The following KIAA0586 variants were observed in gnomAD, a reference collection of about 807,000 sequenced individuals.
KIAA0586 encodes the protein protein TALPID3.
Under a neutral mutation model 169.8 loss-of-function variants are expected in KIAA0586, and 144 were observed. The observed-to-expected ratio is 0.85, with a 90% confidence interval of 0.74 to 0.97. The LOEUF (loss-of-function observed/expected upper bound fraction) is 0.97, where lower values mean the gene tolerates loss of function less well. Among genes scored for constraint, KIAA0586 ranks in the 50% least tolerant of loss-of-function variants. KIAA0586 has a pLI of 0.00. For synonymous variants in KIAA0586, 625 were observed against 612.4 expected (o/e 1.02, Z -0.30); for missense variants, 1,854 against 1,823.0 (o/e 1.02, Z -0.31).
In KIAA0586 at chr14:58,511,688, G is replaced by A. The variant is rs529087937; in HGVS notation, c.4324-834G>A. On this transcript the variant is annotated intron_variant, in intron 28 of 30. Transcript: ENST00000652326. ...ACTTGGAAGACCAGAGTTAAGGCTA[G>A]TTATTATTACTGCAGCTTAGAGCTA... is the stretch of plus-strand genomic sequence containing the variant. Among the ~76,000 whole-genome samples the A allele has an allele frequency of 8.7e-4, 132 of 152,262 alleles. 1 individual carries two copies. The highest frequency in any genetic ancestry group is 6.8e-3 in the Middle Eastern group (2 of 294).
intron 8 of KIAA0586, among the ~76,000 whole-genome samples, chr14:58,452,097 G>T (rs1421278017): frequency 6.6e-6 from 1 of 152,150 alleles, no homozygotes; most frequent in Non-Finnish European, 1.5e-5. Flanking sequence ...AAAGCCATAA[G>T]AATGACACAA....
intron 4 of KIAA0586, among the ~76,000 whole-genome samples, chr14:58,434,622 T>C (rs1271570631): frequency 6.6e-6 from 1 of 152,236 alleles, no homozygotes; most frequent in Non-Finnish European, 1.5e-5. Context: ...TTAAATAAGT[T>C]ATGAGTAAAT....
chr14:58,444,168 A>C lies in KIAA0586; in HGVS notation c.800A>C (p.Asp267Ala), dbSNP rs776409431. 6.3e-7 allele frequency: 1 copy of C among 1,591,900 alleles called. No homozygotes were observed. Among genetic ancestry groups the C allele is most frequent in the Non-Finnish European group, 8.6e-7 (1 of 1,160,500 alleles). ...HLEKLQQQQI[D>A]IQTHFISAAL... The stretch of plus-strand genomic sequence containing the variant: ...GAAAAGTTACAACAACAACAAATAG[A>C]TATTCAGGTATCTGTAATAAATCCA... The change falls in exon 6 of 31, where the codon GAT becomes GCT. Residue 267 changes from aspartate to alanine, a missense_variant. Asp to Ala is a moderately radical substitution (Grantham distance 126). Transcript: ENST00000652326.
intron 29 of KIAA0586, among the ~76,000 whole-genome samples, chr14:58,524,175 A>G (rs1435805216): frequency 6.6e-6 from 1 of 152,200 alleles, no homozygotes; most frequent in Non-Finnish European, 1.5e-5. Context: ...TAAAAAAGCA[A>G]TTCACCGGTG....
intron 8 of KIAA0586, among the ~76,000 whole-genome samples, chr14:58,451,035 C>T (rs2039330943): frequency 7.7e-6 from 1 of 130,656 alleles, no homozygotes; most frequent in Non-Finnish European, 1.5e-5. Flanking sequence ...GTTGCCCAGG[C>T]TGGAGTGCAG....
Position 58,472,268 on chromosome 14 carries a change from G to C in KIAA0586, c.2623G>C (p.Asp875His), listed in dbSNP as rs770913768. Residue 875 changes from aspartate (D) to histidine (H), a missense_variant, in exon 18 of 31, where the codon GAT becomes CAT. Asp to His is a moderately conservative substitution (Grantham distance 81, BLOSUM62 -1). Transcript: ENST00000652326. ...AGGAACTAACTTTGATGAAATAATCGATGTCATACAGGTAACAAAGCTTAG... is the reference window on the plus strand; with the variant it reads ...AGGAACTAACTTTGATGAAATAATCCATGTCATACAGGTAACAAAGCTTAG... Reference protein sequence around the residue: ...FPGTNFDEIIDVIQEEEKCDE... With the variant: ...FPGTNFDEIIHVIQEEEKCDE... 2 of 1,552,248 alleles carry C rather than the reference G, an allele frequency of 1.3e-6. No individual in the cohort carries two copies. Among genetic ancestry groups the C allele is most frequent in the East Asian group, 2.4e-5 (1 of 42,372 alleles).
At chr14:58,489,223 ATT>A (rs5808974) in intron 24 of KIAA0586, among the ~76,000 whole-genome samples, 1 of 135,650 alleles carries the variant, frequency 7.4e-6, no homozygotes, top group Non-Finnish European at 1.5e-5. Flanking sequence ...TGAAACCTGA[ATT>A]TTTTTTTTTT....
chr14:58,460,908 C>T (rs2040265427), intron 13 of KIAA0586, 78 bp from the exon 14 acceptor site: 2 of 1,051,220 alleles, frequency 1.9e-6, no homozygotes, highest in Non-Finnish European at 2.6e-6. Flanking sequence ...CTTAAGCTAG[C>T]AAAAGGAGGC....
At chr14:58,540,826 A>G (rs2046597281) in intron 30 of KIAA0586, among the ~76,000 whole-genome samples, 1 of 152,220 alleles carries the variant, frequency 6.6e-6, no homozygotes, top group African/African-American at 2.4e-5. Flanking sequence ...AATATTGCAT[A>G]CTATACTTAA....
rs1226693673 is a variant in KIAA0586, at chr14:58,484,915, TATATATA to T, written c.3145-2091_3145-2085del. Among the ~76,000 whole-genome samples, 69 of 30,708 alleles carry T rather than the reference TATATATA, an allele frequency of 2.2e-3. 1 individual carries two copies. Among genetic ancestry groups the T allele is most frequent in the African/African-American group, 7.4e-3 (66 of 8,940 alleles). The allele number at this position is 30,708 out of a possible 152,430, so 20.1% of individuals were successfully genotyped here. A position where few individuals can be genotyped will look rare whatever the true frequency, so the allele number is the denominator to read the frequency against. On this transcript the variant is annotated intron_variant, in intron 21 of 30. Coordinates refer to ENST00000652326, the MANE Select transcript of KIAA0586 (RefSeq NM_001329943.3). The stretch of plus-strand genomic sequence containing the variant: ...TTATATATATATATATATATATATA[TATATATA>T]TATTTTTTTTTTTTTTTTTTTTTTT...
At chr14:58,449,461 A>G (rs1428927091) in intron 7 of KIAA0586, among the ~76,000 whole-genome samples, 2 of 152,214 alleles carry the variant, frequency 1.3e-5, no homozygotes, top group Admixed American at 1.3e-4. Context: ...CCCAGGAGGT[A>G]GAAGCTTCAG....
chr14:58,455,381 G>T (rs1239738942), intron 9 of KIAA0586, among the ~76,000 whole-genome samples: 1 of 152,096 alleles, frequency 6.6e-6, no homozygotes, highest in East Asian at 1.9e-4. Context: ...CTACTTTCCA[G>T]TTTCTTTGTA....
intron 24 of KIAA0586, 72 bp downstream of exon 24, chr14:58,488,946 A>G (rs2042654644): frequency 3.4e-6 from 5 of 1,467,680 alleles, no homozygotes; most frequent in Non-Finnish European, 4.6e-6. Context: ...TTTTCTATTT[A>G]AAGTGTTTTT....
intron 18 of KIAA0586, among the ~76,000 whole-genome samples, chr14:58,472,931 A>G (rs754849385): frequency 2.1e-5 from 3 of 140,590 alleles, no homozygotes; most frequent in Non-Finnish European, 4.6e-5. Context: ...TATTAATGTT[A>G]TTCGCTCACA....
rs556079268 is a variant in KIAA0586, at chr14:58,547,289, G to A, written c.4496-492G>A. ...TGGCTATCTTTTAATGGTAATGGGAGCGCTTAGTTTTTGACCACTTACTGA... is the reference window on the plus strand; with the variant it reads ...TGGCTATCTTTTAATGGTAATGGGAACGCTTAGTTTTTGACCACTTACTGA... On this transcript the variant is annotated intron_variant, in intron 30 of 30. Coordinates refer to ENST00000652326, the MANE Select transcript of KIAA0586 (RefSeq NM_001329943.3). Among the ~76,000 whole-genome samples, 3 of 152,222 alleles carry A rather than the reference G, an allele frequency of 2.0e-5. No homozygotes were observed. The South Asian group carries it at 6.2e-4, about 32-fold the overall frequency.
intron 20 of KIAA0586, among the ~76,000 whole-genome samples, chr14:58,482,052 T>A (rs2042062746): frequency 6.6e-6 from 1 of 151,282 alleles, no homozygotes; most frequent in Admixed American, 6.6e-5. Flanking sequence ...GACCTCATGA[T>A]CCACCAGCCT....
intron 15 of KIAA0586, among the ~76,000 whole-genome samples, chr14:58,466,560 A>G (rs1437387198): frequency 6.6e-6 from 1 of 151,826 alleles, no homozygotes; most frequent in Non-Finnish European, 1.5e-5. Context: ...ACATAGCAAG[A>G]CCTTGTCTCA....
At chr14:58,504,303 A>T (rs1391194120) in intron 27 of KIAA0586, among the ~76,000 whole-genome samples, 1 of 152,168 alleles carries the variant, frequency 6.6e-6, no homozygotes, top group African/African-American at 2.4e-5. Flanking sequence ...ATTCATTTGA[A>T]TGTGAGCAGT....
chr14:58,481,397 A>G (rs959946912), intron 20 of KIAA0586, among the ~76,000 whole-genome samples: 2 of 152,210 alleles, frequency 1.3e-5, no homozygotes, highest in African/African-American at 4.8e-5. Context: ...CCATTCAGAT[A>G]TTAATATACC....
Sources: gnomAD v4.1 joint callset for allele counts (sites outside exome capture counted in the v4.1 genomes callset) on GRCh38, gnomAD v4.1.1 for gene constraint, MANE v1.5 for transcripts, NCBI Gene and HGNC (gene_info 2026-07-23, HGNC 2026-07-21) for gene names.